The following NRXN1 variants were observed in gnomAD, a reference collection of about 807,000 sequenced individuals.
NRXN1 encodes the protein neurexin-1.
In NRXN1, 39 loss-of-function variants were observed where a neutral mutation model predicts 150.9. The ratio of observed to expected loss-of-function variants is 0.26; its 90% CI spans 0.20 to 0.34. The LOEUF (loss-of-function observed/expected upper bound fraction) is 0.34. NRXN1 is among the 10% of genes least tolerant of loss of function. The pLI is 1.00. For missense variants in NRXN1, 1,815 were observed against 1,949.9 expected, an observed-to-expected ratio of 0.93 and a Z score of 1.30; for synonymous variants, 924 against 757.0, an observed-to-expected ratio of 1.22 and a Z score of -3.62.
At chr2:50,719,607 C>T (rs1188831451) in intron 5 of NRXN1, among the ~76,000 whole-genome samples, 3 of 151,766 alleles carry the variant, frequency 2.0e-5, no homozygotes, top group Admixed American at 6.6e-5. Context: ...ACCGGGGAGG[C>T]GGAGGTTGCA....
chr2:50,641,701 A>G (rs982529699), intron 5 of NRXN1, among the ~76,000 whole-genome samples: 1 of 152,076 alleles, frequency 6.6e-6, no homozygotes, highest in African/African-American at 2.4e-5. Flanking sequence ...GACTGGGAAG[A>G]ATAATTTAAC....
chr2:50,583,979 T>C (rs954634988), intron 8 of NRXN1, among the ~76,000 whole-genome samples: 17 of 152,206 alleles, frequency 1.1e-4, no homozygotes, highest in Non-Finnish European at 1.8e-4. Context: ...GCCCAATAAA[T>C]GTTTGTTGAA....
intron 21 of NRXN1, among the ~76,000 whole-genome samples, chr2:50,027,892 C>A (rs1356213429): frequency 6.6e-6 from 1 of 152,114 alleles, no homozygotes; most frequent in Non-Finnish European, 1.5e-5. Context: ...AAGGGCCTTG[C>A]TCCAGTTGTA....
chr2:50,120,119 T>C (rs982837628), intron 18 of NRXN1, among the ~76,000 whole-genome samples: 2 of 151,562 alleles, frequency 1.3e-5, no homozygotes, highest in Non-Finnish European at 2.9e-5. Flanking sequence ...CAATTTAATA[T>C]TATACTTGTA....
At chr2:50,324,085 T>C (rs920694949) in intron 17 of NRXN1, among the ~76,000 whole-genome samples, 1 of 152,144 alleles carries the variant, frequency 6.6e-6, no homozygotes, top group Non-Finnish European at 1.5e-5. Flanking sequence ...CTTACTTTTG[T>C]AGGGGTGAGA....
intron 17 of NRXN1, among the ~76,000 whole-genome samples, chr2:50,423,194 A>T (rs1305328482): frequency 6.6e-6 from 1 of 152,100 alleles, no homozygotes; most frequent in Non-Finnish European, 1.5e-5. Flanking sequence ...CCCTTCTATC[A>T]TCAAACCTGT....
In NRXN1 at chr2:50,347,541, C is replaced by G. The variant is rs958743351; in HGVS notation, c.3365-110571G>C. 14 of 1,041,294 alleles carry G rather than the reference C, an allele frequency of 1.3e-5. No individual in the cohort carries two copies. In the South Asian group the frequency reaches 3.3e-4, roughly 24 times the overall value. 64.5% of individuals were successfully genotyped at this position (1,041,294 alleles called of 1,614,324 possible). ...CTCGCCCGCTAGCGCCAGCCTCCCCCGGGCAGCGCGCGGAGCAGCGGCGCG... is the reference window on the plus strand; with the variant it reads ...CTCGCCCGCTAGCGCCAGCCTCCCCGGGGCAGCGCGCGGAGCAGCGGCGCG... On this transcript the variant is annotated intron_variant, in intron 17 of 22. Transcript: ENST00000401669. The surrounding 1 kb of genome is among the most constrained non-coding windows in gnomAD (Gnocchi z 4.9).
At chr2:50,905,818 CAT>C (rs1168120954) in intron 5 of NRXN1, among the ~76,000 whole-genome samples, 1 of 152,072 alleles carries the variant, frequency 6.6e-6, no homozygotes, top group African/African-American at 2.4e-5. Flanking sequence ...AGAATTTACA[CAT>C]AGAGTTCCCT....
chr2:49,975,015 T>A (rs543362345), intron 21 of NRXN1, among the ~76,000 whole-genome samples: 1 of 151,834 alleles, frequency 6.6e-6, no homozygotes, highest in East Asian at 1.9e-4. Flanking sequence ...TATCCCCAAA[T>A]ACATCTGTTT....
chr2:50,381,880 G>A (rs1408903051), intron 17 of NRXN1, among the ~76,000 whole-genome samples: 1 of 152,134 alleles, frequency 6.6e-6, no homozygotes, highest in Non-Finnish European at 1.5e-5. Context: ...GAGATTCTAA[G>A]ATCTGGGGCC....
chr2:50,107,895 A>T (rs1232875096), intron 18 of NRXN1, among the ~76,000 whole-genome samples: 1 of 151,934 alleles, frequency 6.6e-6, no homozygotes, highest in African/African-American at 2.4e-5. Flanking sequence ...TATTGACTAA[A>T]TTCTTATATT....
chr2:50,597,059 A>C (rs1276521162), intron 8 of NRXN1, among the ~76,000 whole-genome samples: 2 of 151,724 alleles, frequency 1.3e-5, no homozygotes, highest in Non-Finnish European at 2.9e-5. Flanking sequence ...CACCAGGCTG[A>C]TCTCTAACTC....
intron 18 of NRXN1, among the ~76,000 whole-genome samples, chr2:50,135,034 A>C (rs1558949474): frequency 6.6e-6 from 1 of 152,216 alleles, no homozygotes; most frequent in Non-Finnish European, 1.5e-5. Flanking sequence ...AGAAAGCAAG[A>C]ATATTATGCA....
chr2:50,131,044 GT>G (rs1449878330), intron 18 of NRXN1, among the ~76,000 whole-genome samples: 1 of 152,174 alleles, frequency 6.6e-6, no homozygotes, highest in Admixed American at 6.5e-5. Flanking sequence ...TTGAAACCAT[GT>G]TTAGGCATCA....
At chr2:50,604,360 T>C (rs1039275693) in intron 8 of NRXN1, among the ~76,000 whole-genome samples, 1 of 152,210 alleles carries the variant, frequency 6.6e-6, no homozygotes, top group Non-Finnish European at 1.5e-5. Flanking sequence ...ATGATGCTTA[T>C]GCACAAAACT....
In NRXN1 at chr2:50,584,824, C is replaced by A. The variant is rs139470322; in HGVS notation, c.1321-31799G>T. On this transcript the variant is annotated intron_variant, in intron 8 of 22. Transcript: ENST00000401669. Reference sequence around the variant, plus strand: ...GGAAATATGAGAGTTCACAGTATATCTATATGAATGTGATGGAAATATGAG... The same window carrying A: ...GGAAATATGAGAGTTCACAGTATATATATATGAATGTGATGGAAATATGAG... Among the ~76,000 whole-genome samples the A allele has an allele frequency of 4.2e-3, 639 of 152,160 alleles. 2 individuals are homozygous for A. The highest frequency in any genetic ancestry group is 6.9e-3 in the Non-Finnish European group (470 of 68,004).
At chr2:50,274,383 C>A (rs559107711) in intron 17 of NRXN1, among the ~76,000 whole-genome samples, 1 of 152,140 alleles carries the variant, frequency 6.6e-6, no homozygotes, top group Non-Finnish European at 1.5e-5. Flanking sequence ...CATCATCCAC[C>A]AGGGCCTGCT....
At chr2:50,162,519 G>T (rs2059422944) in intron 18 of NRXN1, among the ~76,000 whole-genome samples, 1 of 152,022 alleles carries the variant, frequency 6.6e-6, no homozygotes, top group Non-Finnish European at 1.5e-5. Flanking sequence ...AGTGCACTAT[G>T]AAATAAACTT....
intron 5 of NRXN1, among the ~76,000 whole-genome samples, chr2:50,744,296 A>G (rs1388861290): frequency 4.6e-5 from 7 of 152,116 alleles, no homozygotes; most frequent in Non-Finnish European, 5.9e-5. Context: ...GAAATCCCCA[A>G]TGTGGAACAA....
Sources: allele counts gnomAD v4.1 joint callset (sites outside exome capture counted in the v4.1 genomes callset), GRCh38; gene constraint gnomAD v4.1.1; non-coding constraint Gnocchi (gnomAD v3.1); transcripts MANE v1.5; gene names NCBI Gene and HGNC (gene_info 2026-07-23, HGNC 2026-07-21).